The following XYLT1 variants were observed in gnomAD, a reference collection of about 807,000 sequenced individuals.
XYLT1 encodes the protein beta-D-xylosyltransferase 1.
XYLT1 carries 36 observed loss-of-function variants against 91.3 expected under a neutral mutation model. The ratio of observed to expected loss-of-function variants is 0.39; its 90% CI spans 0.30 to 0.52. The LOEUF (loss-of-function observed/expected upper bound fraction) is 0.52. Among genes scored for constraint, XYLT1 ranks in the 20% least tolerant of loss-of-function variants. The pLI, the probability that XYLT1 is intolerant of heterozygous loss-of-function variation, is 0.68. For missense variants in XYLT1, 1,242 were observed against 1,284.5 expected (o/e 0.97, Z 0.51); for synonymous variants, 588 against 532.0 (o/e 1.11, Z -1.45).
intron 11 of XYLT1, among the ~76,000 whole-genome samples, chr16:17,113,754 C>T (rs1482758870): frequency 6.6e-6 from 1 of 152,222 alleles, no homozygotes; most frequent in Non-Finnish European, 1.5e-5. Context: ...CACATTTTGA[C>T]ACAGTTGTCA....
chr16:17,351,753 G>GT (rs889669340), intron 2 of XYLT1, among the ~76,000 whole-genome samples: 1 of 149,808 alleles, frequency 6.7e-6, no homozygotes, highest in African/African-American at 2.5e-5. Context: ...TTTTTTTGGG[G>GT]GGGGGTGCTT....
chr16:17,462,172 G>C (rs1432321355), intron 1 of XYLT1, among the ~76,000 whole-genome samples: 2 of 152,206 alleles, frequency 1.3e-5, no homozygotes, highest in Non-Finnish European at 2.9e-5. Flanking sequence ...TGACACATTA[G>C]CCTGGATTAG....
At chr16:17,435,982 C>T (rs2141936820) in intron 1 of XYLT1, among the ~76,000 whole-genome samples, 1 of 152,286 alleles carries the variant, frequency 6.6e-6, no homozygotes, top group East Asian at 1.9e-4. Flanking sequence ...TCCCCACATG[C>T]CAAGGGCGGG....
chr16:17,310,747 G>A (rs777313867), intron 2 of XYLT1, among the ~76,000 whole-genome samples: 2 of 152,172 alleles, frequency 1.3e-5, no homozygotes, highest in African/African-American at 4.8e-5. Context: ...TACTAGGGAG[G>A]CTGAGGCAGG....
intron 6 of XYLT1, among the ~76,000 whole-genome samples, chr16:17,148,633 G>A (rs975413436): frequency 2.0e-5 from 3 of 152,210 alleles, no homozygotes. Flanking sequence ...AAAGAAAATT[G>A]AAGCTCAGAA....
intron 1 of XYLT1, among the ~76,000 whole-genome samples, chr16:17,415,428 G>A (rs553061844): frequency 2.0e-5 from 3 of 152,176 alleles, no homozygotes; most frequent in Admixed American, 6.5e-5. Flanking sequence ...GGTGGCTCAC[G>A]CCTGTAATCC....
At chr16:17,360,666 G>A (rs2035369042) in intron 1 of XYLT1, among the ~76,000 whole-genome samples, 1 of 152,180 alleles carries the variant, frequency 6.6e-6, no homozygotes, top group Admixed American at 6.5e-5. Flanking sequence ...GAGGATTCAA[G>A]GTATGACTAT....
Position 17,470,606 on chromosome 16 carries a change from C to A in XYLT1, c.191G>T (p.Arg64Leu), listed in dbSNP as rs1030670554. 1.7e-6 allele frequency: 2 copies of A among 1,150,836 alleles called. No individual in the cohort carries two copies. Among genetic ancestry groups the A allele is most frequent in the African/African-American group, 1.6e-5 (1 of 60,860 alleles). 71.3% of individuals were successfully genotyped at this position (1,150,836 alleles called of 1,614,324 possible). Reference sequence around the variant, plus strand: ...GGCGGGCAGGTCCCGGCGCTCCCGGCGCGGGGCCGGGGCCGGGGGCGGCTG... The same window carrying A: ...GGCGGGCAGGTCCCGGCGCTCCCGGAGCGGGGCCGGGGCCGGGGGCGGCTG... ...GEQPPPAPAP[R>L]RERRDLPAEP... is the part of the protein sequence containing the mutation. The change falls in exon 1 of 12, where the codon CGC becomes CTC. Residue 64 changes from arginine (R) to leucine (L), a missense_variant. Coordinates refer to ENST00000261381, the MANE Select transcript of XYLT1 (RefSeq NM_022166.4).
intron 3 of XYLT1, among the ~76,000 whole-genome samples, chr16:17,211,027 G>A (rs1039927846): frequency 2.0e-5 from 3 of 152,188 alleles, no homozygotes; most frequent in East Asian, 1.9e-4. Context: ...CTCATGGCAA[G>A]TGACAGCAAG....
intron 2 of XYLT1, among the ~76,000 whole-genome samples, chr16:17,328,714 A>G (rs954194057): frequency 5.9e-5 from 9 of 152,178 alleles, no homozygotes; most frequent in Non-Finnish European, 1.0e-4. Flanking sequence ...GCCCGTGCGC[A>G]ACCATCAGTG....
chr16:17,183,028 G>A (rs537576369), intron 5 of XYLT1, among the ~76,000 whole-genome samples: 2 of 152,304 alleles, frequency 1.3e-5, no homozygotes, highest in Admixed American at 1.3e-4. Flanking sequence ...GCATCCTTGG[G>A]TGATCGGCTT....
intron 5 of XYLT1, among the ~76,000 whole-genome samples, chr16:17,160,685 C>A (rs1166400075): frequency 6.6e-6 from 1 of 152,166 alleles, no homozygotes; most frequent in Admixed American, 6.5e-5. Context: ...TCGCAAAGGG[C>A]TAACCCCACG....
At chr16:17,413,165 T>A (rs2036134161) in intron 1 of XYLT1, among the ~76,000 whole-genome samples, 1 of 152,144 alleles carries the variant, frequency 6.6e-6, no homozygotes, top group Middle Eastern at 3.2e-3. Context: ...ATGGCCACAG[T>A]CATCCTATTT....
chr16:17,133,772 T>A (rs1457528313), intron 9 of XYLT1, among the ~76,000 whole-genome samples: 2 of 151,972 alleles, frequency 1.3e-5, no homozygotes, highest in Non-Finnish European at 2.9e-5. Flanking sequence ...TACCTCCCCC[T>A]CATCTTCTAG....
chr16:17,325,828 A>G (rs1481040814), intron 2 of XYLT1, among the ~76,000 whole-genome samples: 1 of 152,214 alleles, frequency 6.6e-6, no homozygotes, highest in Non-Finnish European at 1.5e-5. Flanking sequence ...ATTTAAATTC[A>G]TAAGTATTAA....
rs781173341 is a variant in XYLT1, at chr16:17,259,364, A to G, written c.537T>C (p.Pro179=). ...APRTQKQKHQ[P]ELAKKPPSRQ... Reference sequence around the variant, plus strand: ...TACTCGGTGGCTTCTTCGCCAACTCAGGCTGGTGCTTCTGCTTTTGAGTCC... The same window carrying G: ...TACTCGGTGGCTTCTTCGCCAACTCGGGCTGGTGCTTCTGCTTTTGAGTCC... The change falls in exon 3 of 12, where the codon CCT becomes CCC. Residue 179 remains proline, a synonymous_variant. Transcript: ENST00000261381. The G allele has an allele frequency of 9.3e-6, 15 of 1,614,136 alleles. No individual in the cohort carries two copies. The African/African-American group carries it at 1.1e-4, about 11-fold the overall frequency.
chr16:17,379,793 A>ACC lies in XYLT1; in HGVS notation c.364-21745_364-21744dup, dbSNP rs1555501169. On this transcript the variant is annotated intron_variant, in intron 1 of 11. Coordinates refer to ENST00000261381, the MANE Select transcript of XYLT1 (RefSeq NM_022166.4). ...CACACACACACACACACACACACAC[A>ACC]CCCCTTACCTCCAGAGAGCCAGACA... Among the ~76,000 whole-genome samples, 458 of 142,244 alleles carry ACC rather than the reference A, an allele frequency of 3.2e-3. 6 individuals are homozygous for ACC. The highest frequency in any genetic ancestry group is 0.01 in the Middle Eastern group (3 of 286). The allele number at this position is 142,244 out of a possible 152,430, so 93.3% of individuals were successfully genotyped here.
intron 6 of XYLT1, among the ~76,000 whole-genome samples, chr16:17,157,771 T>C (rs1474932020): frequency 3.3e-5 from 5 of 152,156 alleles, no homozygotes; most frequent in African/African-American, 1.2e-4. Context: ...CTTTTTTAGA[T>C]GGAGTCTCAC....
chr16:17,371,830 AAGAAAG>A (rs1350987406), intron 1 of XYLT1, among the ~76,000 whole-genome samples: 1 of 152,204 alleles, frequency 6.6e-6, no homozygotes, highest in Non-Finnish European at 1.5e-5. Context: ...GACAGAGAGA[AAGAAAG>A]AGAGAGTGTA....
Sources: allele counts gnomAD v4.1 joint callset (sites outside exome capture counted in the v4.1 genomes callset), GRCh38; gene constraint gnomAD v4.1.1; transcripts MANE v1.5; gene names NCBI Gene and HGNC (gene_info 2026-07-23, HGNC 2026-07-21).